Variants in HSPBAP1 observed in about 807,000 individuals in gnomAD.
HSPBAP1 encodes the protein HSPB1-associated protein 1.
Under a neutral mutation model 45.2 loss-of-function variants are expected in HSPBAP1, and 27 were observed. The ratio of observed to expected loss-of-function variants is 0.60; its 90% CI spans 0.44 to 0.82. The LOEUF is 0.82. HSPBAP1 is among the 40% of genes least tolerant of loss of function. HSPBAP1 has a pLI of 0.00. For missense variants in HSPBAP1, 510 were observed against 590.9 expected, an observed-to-expected ratio of 0.86 and a Z score of 1.42; for synonymous variants, 204 against 202.7, an observed-to-expected ratio of 1.01 and a Z score of -0.06.
rs967231028 is a variant in HSPBAP1, at chr3:122,793,828, T to G, written c.-148A>C. 1.4e-5 allele frequency: 9 copies of G among 651,804 alleles called. No homozygotes were observed. Among genetic ancestry groups the G allele is most frequent in the African/African-American group, 7.3e-5 (4 of 54,930 alleles). The allele number at this position is 651,804 out of a possible 1,614,324, so 40.4% of individuals were successfully genotyped here. On this transcript the variant is annotated 5_prime_UTR_variant, in exon 1 of 8. Coordinates refer to ENST00000306103, the MANE Select transcript of HSPBAP1 (RefSeq NM_024610.6). ...CCGGCTCCTACGGAAACGCCGGCTCTCACGTGGAGGTCACGTGACGGATGC... is the reference window on the plus strand; with the variant it reads ...CCGGCTCCTACGGAAACGCCGGCTCGCACGTGGAGGTCACGTGACGGATGC...
rs537104646 is a variant in HSPBAP1 at position 122,780,485 on chromosome 3, G to C, written c.65-2579C>G. Among the ~76,000 whole-genome samples, 2 of 128,544 alleles carry C rather than the reference G, an allele frequency of 1.6e-5. 1 individual carries two copies. Among genetic ancestry groups the C allele is most frequent in the Non-Finnish European group, 3.3e-5 (2 of 61,386 alleles). The allele number at this position is 128,544 out of a possible 152,430, so 84.3% of individuals were successfully genotyped here. ...CAGAGGCGCCCCTCACCTCCCGGAC[G>C]GGGCAGCTGGCCGGGCGGGGGCTGA... On this transcript the variant is annotated intron_variant, in intron 1 of 7. Coordinates refer to ENST00000306103, the MANE Select transcript of HSPBAP1 (RefSeq NM_024610.6).
At chr3:122,754,935 C>G (rs1294585869) in intron 5 of HSPBAP1, 1 of 1,031,402 alleles carries the variant, frequency 9.7e-7, no homozygotes, top group Non-Finnish European at 1.2e-6. Flanking sequence ...TCCAGAGATG[C>G]TCGAGTACCC....
At position 122,755,405 on chromosome 3, in the gene HSPBAP1, T is replaced by C; in HGVS notation, c.596A>G (p.Glu199Gly). 6.5e-7 allele frequency: 1 copy of C among 1,531,214 alleles called. No individual in the cohort carries two copies. The highest frequency in any genetic ancestry group is 1.4e-5 in the African/African-American group (1 of 69,238). 94.9% of individuals were successfully genotyped at this position (1,531,214 alleles called of 1,614,324 possible). A position where few individuals can be genotyped will look rare whatever the true frequency, so the allele number is the denominator to read the frequency against. ...GRKRWHLFPP[E>G]DTPFLYPTRI... The stretch of plus-strand genomic sequence containing the variant: ...AGTTGGATAAAGGAAAGGAGTATCT[T>C]CAGGAGGAAAGAGATGCCATCGTTT... Residue 199 changes from glutamate (E) to glycine (G), a missense_variant, in exon 5 of 8, where the codon GAA (glutamate) becomes GGA (glycine). Coordinates refer to ENST00000306103, the MANE Select transcript of HSPBAP1 (RefSeq NM_024610.6).
In HSPBAP1 at chr3:122,778,520, T is replaced by C. The variant is rs1264724706; in HGVS notation, c.65-614A>G. On this transcript the variant is annotated intron_variant, in intron 1 of 7. Coordinates refer to ENST00000306103, the MANE Select transcript of HSPBAP1 (RefSeq NM_024610.6). ...TCCACAGTCTAGTATTTCTTTTTTT[T>C]TTATTTTTTTTTTTTTTTTGAGACG... Among the ~76,000 whole-genome samples, 3 of 98,528 alleles carry C rather than the reference T, an allele frequency of 3.0e-5. No homozygotes were observed. The East Asian group carries it at 7.0e-4, about 23-fold the overall frequency. The allele number at this position is 98,528 out of a possible 152,430, so 64.6% of individuals were successfully genotyped here.
At chr3:122,752,712 G>A in intron 5 of HSPBAP1, 38 bp from the exon 6 acceptor site, 1 of 1,532,332 alleles carries the variant, frequency 6.5e-7, no homozygotes, top group Non-Finnish European at 8.8e-7. Context: ...ACAAGAACAG[G>A]ACGTTTCATT....
rs1198342906 is a variant in HSPBAP1, at chr3:122,755,356, A to G, written c.645T>C (p.Ser215=). ...TGACAACATTGATTTTACTGAACAC[A>G]CTAGATTCTTCATAAGGGATTCTAG... ...YPTRIPYEES[S]VFSKINVVNP... Residue 215 remains serine, a synonymous_variant, in exon 5 of 8, where the codon AGT becomes AGC. Coordinates refer to ENST00000306103, the MANE Select transcript of HSPBAP1 (RefSeq NM_024610.6). 7.5e-6 allele frequency: 12 copies of G among 1,603,722 alleles called. No homozygotes were observed. The East Asian group carries it at 1.6e-4, about 21-fold the overall frequency.
At chr3:122,765,847 A>G (rs1934759883) in intron 3 of HSPBAP1, among the ~76,000 whole-genome samples, 1 of 152,222 alleles carries the variant, frequency 6.6e-6, no homozygotes, top group Non-Finnish European at 1.5e-5. Context: ...TAGAGAGTTC[A>G]TTCATTATAG....
chr3:122,774,547 G>A (rs1258593183), intron 2 of HSPBAP1, among the ~76,000 whole-genome samples: 3 of 152,198 alleles, frequency 2.0e-5, no homozygotes, highest in South Asian at 2.1e-4. Context: ...TAGCCTAAGC[G>A]TAACTGGAAG....
intron 1 of HSPBAP1, among the ~76,000 whole-genome samples, chr3:122,779,935 A>G (rs1246439772): frequency 6.6e-6 from 1 of 151,872 alleles, no homozygotes; most frequent in Non-Finnish European, 1.5e-5. Flanking sequence ...CAACCATCCG[A>G]TTTCTCAATC....
intron 6 of HSPBAP1, among the ~76,000 whole-genome samples, chr3:122,751,923 G>A (rs1934163121): frequency 6.6e-6 from 1 of 152,220 alleles, no homozygotes; most frequent in Non-Finnish European, 1.5e-5. Context: ...GTCAAACAGA[G>A]CAGAAAGATG....
intron 1 of HSPBAP1, among the ~76,000 whole-genome samples, chr3:122,780,476 C>T (rs1467693870): frequency 1.1e-4 from 14 of 124,702 alleles, no homozygotes; most frequent in Non-Finnish European, 2.0e-4. Flanking sequence ...CGCCCCTCAC[C>T]TCCCGGACGG....
chr3:122,755,168 C>T (rs375631186), intron 5 of HSPBAP1, 92 bp downstream of exon 5: 113 of 1,263,670 alleles, frequency 8.9e-5, no homozygotes, highest in Non-Finnish European at 1.1e-4. Flanking sequence ...ATTTGCACTG[C>T]GCAGGGAGGG....
intron 1 of HSPBAP1, among the ~76,000 whole-genome samples, chr3:122,779,301 G>A (rs931943083): frequency 2.0e-5 from 3 of 150,932 alleles, no homozygotes; most frequent in Admixed American, 6.6e-5. Context: ...TCGACCTCCC[G>A]TAGTGCTGGG....
rs1171689006 is a variant in HSPBAP1, at chr3:122,777,843, G to C, written c.128C>G (p.Pro43Arg). ...AKEIIMSLQQPAIFCNMVFDW... is the reference protein window; with the variant it reads ...AKEIIMSLQQRAIFCNMVFDW... ...AAACACCATGTTACAGAAGATTGCA[G>C]GTTGTTGTAAAGACATGATAATTTC... The change falls in exon 2 of 8, where the codon CCT becomes CGT. Residue 43 changes from proline (P) to arginine (R), a missense_variant. Coordinates refer to ENST00000306103, the MANE Select transcript of HSPBAP1 (RefSeq NM_024610.6). 1 of 1,613,756 alleles carries C rather than the reference G, an allele frequency of 6.2e-7. No homozygotes were observed. Among genetic ancestry groups the C allele is most frequent in the Admixed American group, 1.7e-5 (1 of 60,018 alleles).
chr3:122,761,641 G>T (rs926260312), intron 3 of HSPBAP1: 1 of 147,998 alleles, frequency 6.8e-6, no homozygotes, highest in Non-Finnish European at 1.5e-5. Context: ...TAACAAATTG[G>T]CTGGGCGTGG....
chr3:122,783,331 C>G (rs888586575), intron 1 of HSPBAP1, among the ~76,000 whole-genome samples: 1 of 152,202 alleles, frequency 6.6e-6, no homozygotes, highest in African/African-American at 2.4e-5. Context: ...AATCTAAGTA[C>G]AAGATTACCT....
At chr3:122,783,572 G>A (rs1030768120) in intron 1 of HSPBAP1, among the ~76,000 whole-genome samples, 1 of 152,136 alleles carries the variant, frequency 6.6e-6, no homozygotes, top group Non-Finnish European at 1.5e-5. Flanking sequence ...CATGTACATG[G>A]GAGCCCTCAC....
chr3:122,775,131 CA>C lies in HSPBAP1; in HGVS notation c.250+2589del, dbSNP rs555773792. Among the ~76,000 whole-genome samples, 74 of 149,022 alleles carry C rather than the reference CA, an allele frequency of 5.0e-4. 1 individual carries two copies. The highest frequency in any genetic ancestry group is 2.7e-3 in the South Asian group (13 of 4,744). On this transcript the variant is annotated intron_variant, in intron 2 of 7. Transcript: ENST00000306103. ...CTCAGAGTAAAAGAAAAAAAAAAAGCAAGCTGTGAAAATTAATATAACTTTA... is the reference window on the plus strand; with the variant it reads ...CTCAGAGTAAAAGAAAAAAAAAAAGCAGCTGTGAAAATTAATATAACTTTA...
Position 122,789,113 on chromosome 3 carries a change from C to A in HSPBAP1, c.64+4504G>T, listed in dbSNP as rs1199501058. Among the ~76,000 whole-genome samples, 3 of 152,176 alleles carry A rather than the reference C, an allele frequency of 2.0e-5. No homozygotes were observed. In the East Asian group the frequency reaches 5.8e-4, roughly 29 times the overall value. On this transcript the variant is annotated intron_variant, in intron 1 of 7. Coordinates refer to ENST00000306103, the MANE Select transcript of HSPBAP1 (RefSeq NM_024610.6). Reference sequence around the variant, plus strand: ...TTTTGCTTTTCTTTAAACTCCTCCACCCTTTGCCCCTTTTAAAAATGAGAA... The same window carrying A: ...TTTTGCTTTTCTTTAAACTCCTCCAACCTTTGCCCCTTTTAAAAATGAGAA...
Sources: allele counts gnomAD v4.1 joint callset (sites outside exome capture counted in the v4.1 genomes callset), GRCh38; gene constraint gnomAD v4.1.1; transcripts MANE v1.5; gene names NCBI Gene and HGNC (gene_info 2026-07-23, HGNC 2026-07-21).